Variants in COL21A1 observed in about 807,000 individuals in gnomAD.
The protein encoded by COL21A1 is collagen alpha-1(XXI) chain.
COL21A1 carries 149 observed loss-of-function variants against 137.9 expected under a neutral mutation model. The observed-to-expected ratio is 1.08, with a 90% confidence interval of 0.95 to 1.24. The LOEUF (loss-of-function observed/expected upper bound fraction) is 1.24. Among genes scored for constraint, COL21A1 ranks in the 50% most tolerant of loss-of-function variants. The pLI is 0.00. For missense variants in COL21A1, 1,167 were observed against 1,158.4 expected (o/e 1.01, Z -0.11); for synonymous variants, 456 against 391.5 (o/e 1.16, Z -1.95).
intron 1 of COL21A1, among the ~76,000 whole-genome samples, chr6:56,269,482 C>T (rs972533892): frequency 2.1e-4 from 32 of 151,362 alleles, no homozygotes; most frequent in African/African-American, 7.8e-4. Flanking sequence ...GGTGAAACCC[C>T]GTCTCTACTA....
At position 56,267,024 on chromosome 6, in the gene COL21A1, C is replaced by T. The variant is rs547575781; in HGVS notation, c.-38-84368G>A. Among the ~76,000 whole-genome samples the T allele has an allele frequency of 7.9e-5, 12 of 152,254 alleles. No individual in the cohort carries two copies. The East Asian group carries it at 2.3e-3, about 29-fold the overall frequency. On this transcript the variant is annotated intron_variant, in intron 1 of 28. Coordinates refer to the COL21A1 transcript ENST00000370819. ...GCCTAAGGAAGAGACAATGAGCATC[C>T]TCTTCAACTCCTCTTCCACAGAGAA...
intron 1 of COL21A1, among the ~76,000 whole-genome samples, chr6:56,300,224 T>C (rs568179818): frequency 2.5e-4 from 38 of 152,098 alleles, no homozygotes; most frequent in Non-Finnish European, 5.1e-4. Context: ...AATGATATTT[T>C]TATGGGATTT....
upstream of COL21A1, among the ~76,000 whole-genome samples, chr6:56,247,935 C>A (rs559584257): frequency 1.4e-4 from 21 of 152,292 alleles, 1 homozygote; most frequent in South Asian, 4.4e-3. Flanking sequence ...CTCCCTTGCC[C>A]AAGAAGAACC....
intron 1 of COL21A1, among the ~76,000 whole-genome samples, chr6:56,382,435 C>T (rs951583565): frequency 2.0e-5 from 3 of 152,166 alleles, no homozygotes; most frequent in Non-Finnish European, 4.4e-5. Context: ...TTCTTCCCAC[C>T]TCCTTCTTTC....
At chr6:56,085,325 C>T (rs1285015114) in intron 17 of COL21A1, among the ~76,000 whole-genome samples, 1 of 151,900 alleles carries the variant, frequency 6.6e-6, no homozygotes, top group Non-Finnish European at 1.5e-5. Flanking sequence ...AAGTTTAGTC[C>T]TCTTCAATTG....
At chr6:56,069,799 T>C (rs58139797) in intron 21 of COL21A1, among the ~76,000 whole-genome samples, 1,578 of 151,242 alleles carry the variant, frequency 0.01, 24 homozygotes, top group African/African-American at 0.036. Flanking sequence ...ATTCTTATTG[T>C]TAAACATTAC....
chr6:56,349,297 A>G (rs933232201), intron 1 of COL21A1, among the ~76,000 whole-genome samples: 30 of 151,916 alleles, frequency 2.0e-4, no homozygotes, highest in African/African-American at 7.0e-4. Flanking sequence ...TTTTAATTGT[A>G]TGTTTTTAAT....
At chr6:56,061,160 G>T in intron 25 of COL21A1, 123 bp from the exon 26 acceptor site, 1 of 772,184 alleles carries the variant, frequency 1.3e-6, no homozygotes, top group South Asian at 2.5e-5. Context: ...AGGTATGTAA[G>T]GAATAGCCGG....
At chr6:56,366,027 G>C (rs1392222017) in intron 1 of COL21A1, among the ~76,000 whole-genome samples, 1 of 152,124 alleles carries the variant, frequency 6.6e-6, no homozygotes, top group Non-Finnish European at 1.5e-5. Flanking sequence ...TTAGAGATTT[G>C]TCTTACTTGA....
chr6:56,383,514 C>T (rs938934347), intron 1 of COL21A1, among the ~76,000 whole-genome samples: 4 of 151,956 alleles, frequency 2.6e-5, no homozygotes, highest in Non-Finnish European at 5.9e-5. Context: ...CATTTCTTCT[C>T]CTTCTCCTAA....
Position 56,108,517 on chromosome 6 carries a change from T to C in COL21A1, c.1759-6992A>G, listed in dbSNP as rs555307642. ...ATTATTAAAGGAAACAAAAAATATATTTTATAATGCTAAAGCCACAATTCA... is the reference window on the plus strand; with the variant it reads ...ATTATTAAAGGAAACAAAAAATATACTTTATAATGCTAAAGCCACAATTCA... On this transcript the variant is annotated intron_variant, in intron 16 of 29. Coordinates refer to ENST00000244728, the MANE Select transcript of COL21A1 (RefSeq NM_030820.4). Among the ~76,000 whole-genome samples, 22 of 152,022 alleles carry C rather than the reference T, an allele frequency of 1.4e-4. No individual in the cohort carries two copies. In the East Asian group the frequency reaches 4.1e-3, roughly 28 times the overall value.
In COL21A1 at chr6:56,346,016, A is replaced by C. The variant is rs1248382448; in HGVS notation, c.-39+47955T>G. On this transcript the variant is annotated intron_variant, in intron 1 of 28. Transcript: ENST00000370819. ...ATTTAGCCCAAGTCTTTGGGTGAAA[A>C]ATGAGTAGAACTGTTTTCTTCATTT... 2.0e-5 allele frequency among the ~76,000 whole-genome samples: 3 copies of C among 152,294 alleles called. No homozygotes were observed. In the East Asian group the frequency reaches 5.8e-4, roughly 29 times the overall value.
At chr6:56,093,540 T>G in intron 17 of COL21A1, among the ~76,000 whole-genome samples, 1 of 152,130 alleles carries the variant, frequency 6.6e-6, no homozygotes. Context: ...GCTGACCCTC[T>G]GCAATGTTGA....
rs573222367 is a variant in COL21A1 at position 56,147,209 on chromosome 6, G to T, written c.1435-5226C>A. ...TTGTGCTTTTCATACTCAAAGAGAG[G>T]CGATCAATAGCTAACCTCATTTCCT... is the stretch of plus-strand genomic sequence containing the variant. On this transcript the variant is annotated intron_variant, in intron 10 of 29. Coordinates refer to ENST00000244728, the MANE Select transcript of COL21A1 (RefSeq NM_030820.4). 1.3e-4 allele frequency among the ~76,000 whole-genome samples: 20 copies of T among 152,064 alleles called. No homozygotes were observed. In the East Asian group the frequency reaches 3.9e-3, roughly 29 times the overall value.
intron 1 of COL21A1, among the ~76,000 whole-genome samples, chr6:56,373,709 C>A (rs377536153): frequency 6.0e-4 from 91 of 152,286 alleles, no homozygotes; most frequent in African/African-American, 2.1e-3. Context: ...TAAATCAAGA[C>A]AATTAACATA....
rs13211216 is a variant in COL21A1, at chr6:56,322,504, C to G, written c.-39+71467G>C. Among the ~76,000 whole-genome samples the G allele has an allele frequency of 5.9e-3, 905 of 152,186 alleles. 9 individuals carry two copies. Among genetic ancestry groups the G allele is most frequent in the Middle Eastern group, 0.014 (4 of 294 alleles). On this transcript the variant is annotated intron_variant, in intron 1 of 28. Transcript: ENST00000370819. ...CAGATTTTTATGCTACAGGAATAAG[C>G]AAACTTATTTCTCATTGGCAAAAAT...
At chr6:56,272,153 T>A (rs769881847) in intron 1 of COL21A1, among the ~76,000 whole-genome samples, 5 of 152,170 alleles carry the variant, frequency 3.3e-5, no homozygotes, top group Non-Finnish European at 5.9e-5. Context: ...GCACCAAGCA[T>A]CTGGAAAGGC....
At position 56,060,129 on chromosome 6, in the gene COL21A1, G is replaced by A; in HGVS notation, c.2497C>T (p.Pro833Ser). The A allele has an allele frequency of 6.2e-7, 1 of 1,611,040 alleles. No individual in the cohort carries two copies. The highest frequency in any genetic ancestry group is 8.5e-7 in the Non-Finnish European group (1 of 1,179,068). The change falls in exon 28 of 30, where the codon CCT becomes TCT. Residue 833 changes from proline (P) to serine (S), a missense_variant. Transcript: ENST00000244728. ...GGACCCTCTGGGCCTATCGGACCAG[G>A]TGGCCCAGGAATACCCGGGGAGCCA... is the stretch of plus-strand genomic sequence containing the variant. ...QHGSPGIPGP[P>S]GPIGPEGPRG...
intron 1 of COL21A1, among the ~76,000 whole-genome samples, chr6:56,373,975 C>T (rs1379935182): frequency 1.3e-5 from 2 of 152,158 alleles, no homozygotes; most frequent in Non-Finnish European, 2.9e-5. Context: ...AACCTGACTA[C>T]AAATAGCTGC....
Sources: gnomAD v4.1 joint callset for allele counts (sites outside exome capture counted in the v4.1 genomes callset) on GRCh38, gnomAD v4.1.1 for gene constraint, MANE v1.5 for transcripts, NCBI Gene and HGNC (gene_info 2026-07-23, HGNC 2026-07-21) for gene names.